CACNA2D3: variants seen among roughly 807,000 people sequenced by gnomAD.
CACNA2D3 encodes the protein calcium voltage-gated channel auxiliary subunit alpha2delta 3, also known as voltage-dependent calcium channel subunit alpha-2/delta-3.
CACNA2D3 carries 60 observed loss-of-function variants against 160.6 expected under a neutral mutation model. The observed-to-expected ratio is 0.37, with a 90% CI of 0.30 to 0.46. CACNA2D3 has a LOEUF of 0.46. Ranked by LOEUF, CACNA2D3 falls within the 20% of genes least tolerant of loss-of-function variation. CACNA2D3 has a pLI of 1.00. For missense variants in CACNA2D3, 1,205 were observed against 1,365.0 expected (o/e 0.88, Z 1.85); for synonymous variants, 558 against 492.9 (o/e 1.13, Z -1.75).
rs3841944 is a variant in CACNA2D3 at position 54,976,056 on chromosome 3, TACACAC to T, written c.2556+6244_2556+6249del. Among the ~76,000 whole-genome samples the T allele has an allele frequency of 1.5e-3, 213 of 145,056 alleles. 2 individuals are homozygous for T. The highest frequency in any genetic ancestry group is 3.5e-3 in the Middle Eastern group (1 of 284). ...ATATAAATATAGGTATAGATATAGA[TACACAC>T]ACACACACACACACACACACACACA... On this transcript the variant is annotated intron_variant, in intron 29 of 37. Coordinates refer to ENST00000474759, the MANE Select transcript of CACNA2D3 (RefSeq NM_018398.3).
At chr3:55,002,845 A>G (rs553927980) in intron 31 of CACNA2D3, among the ~76,000 whole-genome samples, 1 of 152,196 alleles carries the variant, frequency 6.6e-6, no homozygotes, top group African/African-American at 2.4e-5. Context: ...GTACCCACAG[A>G]CGACTGTGTT....
intron 2 of CACNA2D3, among the ~76,000 whole-genome samples, chr3:54,135,331 T>G (rs955265016): frequency 4.6e-5 from 7 of 152,224 alleles, no homozygotes; most frequent in African/African-American, 1.7e-4. Flanking sequence ...GCACCCTGCA[T>G]GGGGCCTGTC....
chr3:54,614,270 A>G (rs1338546792), intron 9 of CACNA2D3, among the ~76,000 whole-genome samples: 1 of 152,294 alleles, frequency 6.6e-6, no homozygotes, highest in East Asian at 1.9e-4. Context: ...GGCCCCTTCC[A>G]TTGCTGAGGA....
In CACNA2D3 at chr3:54,642,122, C is replaced by A. The variant is rs1699534703; in HGVS notation, c.1054-6C>A. The A allele has an allele frequency of 1.3e-6, 2 of 1,589,154 alleles. No individual in the cohort carries two copies. Among genetic ancestry groups the A allele is most frequent in the East Asian group, 2.2e-5 (1 of 44,564 alleles). On this transcript the variant is annotated splice_polypyrimidine_tract_variant and splice_region_variant and intron_variant, in intron 10 of 37. Coordinates refer to ENST00000474759, the MANE Select transcript of CACNA2D3 (RefSeq NM_018398.3). ...TATACTATTTTGAACTTATTTCTTT[C>A]CCTAGTTCAACCACACGGGACAAGG...
rs1704906108 is a variant in CACNA2D3 at position 55,074,397 on chromosome 3, C to CT, written c.*196dup. ...ATGTTGACAAAAAGTTATCTATCAT[C>CT]TTTTTACTTTGCCAGTCATGCAAAT... On this transcript the variant is annotated 3_prime_UTR_variant, in exon 38 of 38. Transcript: ENST00000474759. 5.3e-6 allele frequency: 3 copies of CT among 566,366 alleles called. 1 individual carries two copies. In the Admixed American group the frequency reaches 9.6e-5, roughly 18 times the overall value. The allele number at this position is 566,366 out of a possible 1,614,324, so 35.1% of individuals were successfully genotyped here. A position where few individuals can be genotyped will look rare whatever the true frequency, so the allele number is the denominator to read the frequency against.
intron 14 of CACNA2D3, among the ~76,000 whole-genome samples, chr3:54,831,422 T>A (rs962873494): frequency 6.6e-6 from 1 of 152,118 alleles, no homozygotes; most frequent in African/African-American, 2.4e-5. Context: ...CTGAATAGAG[T>A]TATGAAGAAG....
At chr3:54,316,396 T>G (rs557769201) in intron 2 of CACNA2D3, among the ~76,000 whole-genome samples, 2 of 152,338 alleles carry the variant, frequency 1.3e-5, no homozygotes, top group African/African-American at 4.8e-5. Context: ...AGTGAAACAT[T>G]TCCTGGAAAG....
intron 11 of CACNA2D3, among the ~76,000 whole-genome samples, chr3:54,665,192 G>C (rs763225831): frequency 4.6e-5 from 7 of 152,160 alleles, no homozygotes; most frequent in Non-Finnish European, 1.0e-4. Context: ...TGTCCTGTTT[G>C]GTTCCTTTCT....
intron 31 of CACNA2D3, among the ~76,000 whole-genome samples, chr3:54,996,469 C>G (rs1041906194): frequency 2.6e-5 from 4 of 152,178 alleles, no homozygotes; most frequent in Non-Finnish European, 5.9e-5. Context: ...GCCCCAGGAG[C>G]AAAGCAAATG....
chr3:54,998,872 G>A (rs754561506), intron 31 of CACNA2D3, among the ~76,000 whole-genome samples: 5 of 151,942 alleles, frequency 3.3e-5, no homozygotes, highest in African/African-American at 4.8e-5. Context: ...TAAGCCTCCC[G>A]AGTAGCTGGG....
chr3:54,716,890 C>T (rs746849336), intron 11 of CACNA2D3, among the ~76,000 whole-genome samples: 13 of 145,344 alleles, frequency 8.9e-5, no homozygotes, highest in African/African-American at 1.2e-4. Context: ...TGATAAGGGA[C>T]GCAAAACTTG....
intron 5 of CACNA2D3, among the ~76,000 whole-genome samples, chr3:54,509,284 TG>T (rs1701419975): frequency 3.3e-5 from 1 of 30,008 alleles, no homozygotes; most frequent in South Asian, 4.8e-3. Context: ...TTCACGTGTG[TG>T]TGTGTTTGTG....
At chr3:54,531,149 T>A (rs1460302629) in intron 5 of CACNA2D3, among the ~76,000 whole-genome samples, 1 of 152,246 alleles carries the variant, frequency 6.6e-6, no homozygotes, top group Non-Finnish European at 1.5e-5. Flanking sequence ...TATTCGAAGC[T>A]GTGGGAACAG....
chr3:54,150,149 A>C (rs1480978240), intron 2 of CACNA2D3, among the ~76,000 whole-genome samples: 1 of 151,480 alleles, frequency 6.6e-6, no homozygotes, highest in Non-Finnish European at 1.5e-5. Flanking sequence ...AACCCCCAAA[A>C]CTTCTGGTGG....
chr3:54,284,799 TC>T, intron 2 of CACNA2D3, among the ~76,000 whole-genome samples: 1 of 152,270 alleles, frequency 6.6e-6, no homozygotes, highest in Non-Finnish European at 1.5e-5. Context: ...TAAAAGATGT[TC>T]TAAAATAAGG....
intron 2 of CACNA2D3, among the ~76,000 whole-genome samples, chr3:54,193,652 C>G (rs1701020533): frequency 6.6e-6 from 1 of 152,194 alleles, no homozygotes; most frequent in African/African-American, 2.4e-5. Context: ...CAGCCTATCC[C>G]TAGAGCTCTC....
chr3:54,485,568 CT>C (rs111371057), intron 4 of CACNA2D3, among the ~76,000 whole-genome samples: 3,293 of 141,138 alleles, frequency 0.023, 85 homozygotes, highest in African/African-American at 0.072. Context: ...ATAATAGACA[CT>C]TTTTTTTTTT....
intron 31 of CACNA2D3, among the ~76,000 whole-genome samples, chr3:54,998,537 G>C (rs1702907551): frequency 6.6e-6 from 1 of 152,124 alleles, no homozygotes; most frequent in African/African-American, 2.4e-5. Flanking sequence ...TATATTATCA[G>C]CACCTGTTGA....
At chr3:54,977,654 T>C (rs1702419905) in intron 29 of CACNA2D3, among the ~76,000 whole-genome samples, 1 of 152,210 alleles carries the variant, frequency 6.6e-6, no homozygotes, top group African/African-American at 2.4e-5. Flanking sequence ...AGGCCACTTC[T>C]GTACTCAACA....
Sources: gnomAD v4.1 joint callset for allele counts (sites outside exome capture counted in the v4.1 genomes callset) on GRCh38, gnomAD v4.1.1 for gene constraint, MANE v1.5 for transcripts, NCBI Gene and HGNC (gene_info 2026-07-23, HGNC 2026-07-21) for gene names.